DNAAF2: variants seen among roughly 807,000 people sequenced by gnomAD.
DNAAF2 encodes the protein protein kintoun.
A neutral mutation model predicts 48.8 loss-of-function variants in DNAAF2; 58 were observed. The ratio of observed to expected loss-of-function variants is 1.19; its 90% confidence interval spans 0.96 to 1.48. The LOEUF (loss-of-function observed/expected upper bound fraction) is 1.48. Ranked by LOEUF, DNAAF2 falls within the 40% of genes most tolerant of loss-of-function variation. The pLI, the probability that DNAAF2 is intolerant of heterozygous loss-of-function variation, is 0.00. For synonymous variants in DNAAF2, 567 were observed against 481.2 expected, an observed-to-expected ratio of 1.18 and a Z score of -2.33; for missense variants, 1,241 against 1,116.1, an observed-to-expected ratio of 1.11 and a Z score of -1.59.
chr14:49,630,669 C>CCACACACACACACACACACACA (rs71441237), intron 1 of DNAAF2, among the ~76,000 whole-genome samples: 2,034 of 132,414 alleles, frequency 0.015, 33 homozygotes, highest in Admixed American at 0.024. Flanking sequence ...AACTCTCTCT[C>CCACACACACACACACACACACA]CACACACACA....
In DNAAF2 at chr14:49,634,316, GGGGCTC is replaced by G. The variant is rs1566512784; in HGVS notation, c.828_833del (p.Ser277_Pro278del). ...TGGTGATCACCAGCTCATGGGGCAC[GGGGCTC>G]GGGGCTGAGTCCCTGGAGCAGCGGT... On this transcript the variant is annotated inframe_deletion, in exon 1 of 3. Coordinates refer to ENST00000298292, the MANE Select transcript of DNAAF2 (RefSeq NM_018139.3). 4 of 1,611,808 alleles carry G rather than the reference GGGGCTC, an allele frequency of 2.5e-6. No individual in the cohort carries two copies. In the Admixed American group the frequency reaches 6.7e-5, roughly 27 times the overall value.
At position 49,633,841 on chromosome 14, in the gene DNAAF2, C is replaced by T. The variant is rs1185151033; in HGVS notation, c.1309G>A (p.Glu437Lys). The part of the protein sequence containing the change: ...AGEERVPKPG[E>K]QDLSRHAGSP... ...CCCGCGTGCCTGCTCAAGTCCTGCT[C>T]CCCCGGCTTGGGGACACGCTCCTCT... is the stretch of plus-strand genomic sequence containing the variant. Residue 437 changes from glutamate (E) to lysine (K), a missense_variant, in exon 1 of 3, where the codon GAG becomes AAG. By Grantham distance (56) the Glu-to-Lys change is moderately conservative (BLOSUM62 1). Transcript: ENST00000298292. The T allele has an allele frequency of 4.5e-6, 7 of 1,566,792 alleles. No individual in the cohort carries two copies. The highest frequency in any genetic ancestry group is 1.8e-5 in the Admixed American group (1 of 55,088).
Position 49,634,893 on chromosome 14 carries a change from C to A in DNAAF2, c.257G>T (p.Arg86Leu). The A allele has an allele frequency of 6.5e-7, 1 of 1,550,056 alleles. No homozygotes were observed. The highest frequency in any genetic ancestry group is 8.7e-7 in the Non-Finnish European group (1 of 1,146,652). ...HVLRTSLDGA[R>L]RCFVNVCSNA... ...GCTGCAGACATTCACAAAGCAGCGC[C>A]GCGCCCCGTCCAGGCTGGTGCGCAG... The change falls in exon 1 of 3, where the codon CGG (arginine) becomes CTG (leucine). Residue 86 changes from arginine to leucine, a missense_variant. Physicochemically the swap from Arg to Leu is moderately radical, Grantham distance 102. Transcript: ENST00000298292.
chr14:49,634,375 G>T lies in DNAAF2; in HGVS notation c.775C>A (p.Gln259Lys). 1 of 1,603,646 alleles carries T rather than the reference G, an allele frequency of 6.2e-7. No individual in the cohort carries two copies. The change falls in exon 1 of 3, where the codon CAG becomes AAG. Residue 259 changes from glutamine (Q) to lysine (K), a missense_variant. By Grantham distance (53) the Gln-to-Lys change is moderately conservative (BLOSUM62 1). Transcript: ENST00000298292. ...APTEPRYSVV[Q>K]RHHVDLQDYR... ...TCCTGGAGGTCCACGTGGTGGCGCTGCACCACGCTGTAGCGAGGCTCGGTG... is the reference window on the plus strand; with the variant it reads ...TCCTGGAGGTCCACGTGGTGGCGCTTCACCACGCTGTAGCGAGGCTCGGTG...
At position 49,625,320 on chromosome 14, in the gene DNAAF2, C is replaced by T. The variant is rs909585414; in HGVS notation, c.*222G>A. ...ACATACACATCTATTACAGGAATCA[C>T]AAAACTTATCTCCATAAGGAAACTT... On this transcript the variant is annotated 3_prime_UTR_variant, in exon 3 of 3. Coordinates refer to ENST00000298292, the MANE Select transcript of DNAAF2 (RefSeq NM_018139.3). 4 of 309,444 alleles carry T rather than the reference C, an allele frequency of 1.3e-5. No homozygotes were observed. Among genetic ancestry groups the T allele is most frequent in the Non-Finnish European group, 2.3e-5 (4 of 172,468 alleles). The allele number at this position is 309,444 out of a possible 1,614,324, so 19.2% of individuals were successfully genotyped here.
chr14:49,629,600 C>T (rs964332570), intron 1 of DNAAF2: 3 of 151,818 alleles, frequency 2.0e-5, no homozygotes, highest in Admixed American at 1.3e-4. Context: ...ACTGCAATCA[C>T]GTGAACCCGT....
In DNAAF2 at chr14:49,635,076, G is replaced by A. The variant is rs868381739; in HGVS notation, c.74C>T (p.Ser25Phe). ...LSGEEVQRLT[S>F]AFQDPEFRRM... Reference sequence around the variant, plus strand: ...CCGGAACTCCGGGTCCTGGAAGGCGGAGGTGAGCCGCTGGACCTCCTCTCC... The same window carrying A: ...CCGGAACTCCGGGTCCTGGAAGGCGAAGGTGAGCCGCTGGACCTCCTCTCC... Residue 25 changes from serine (S) to phenylalanine (F), a missense_variant, in exon 1 of 3, where the codon TCC (serine) becomes TTC (phenylalanine). Physicochemically the swap from Ser to Phe is radical, Grantham distance 155. Transcript: ENST00000298292. 16 of 1,584,962 alleles carry A rather than the reference G, an allele frequency of 1.0e-5. No individual in the cohort carries two copies. Among genetic ancestry groups the A allele is most frequent in the Non-Finnish European group, 1.2e-5 (14 of 1,166,584 alleles).
Position 49,625,636 on chromosome 14 carries a change from G to A in DNAAF2, c.2420C>T (p.Thr807Ile), listed in dbSNP as rs1355465199. Reference sequence around the variant, plus strand: ...CTGCACACTACCATCCTGCATATTGGTTTCTTTTATGCTGTCGAATCCAGG... The same window carrying A: ...CTGCACACTACCATCCTGCATATTGATTTCTTTTATGCTGTCGAATCCAGG... ...NIPGFDSIKE[T>I]NMQDGSVQVI... Residue 807 changes from threonine (T) to isoleucine (I), a missense_variant, in exon 3 of 3, where the codon ACC becomes ATC. Physicochemically the swap from Thr to Ile is moderately conservative, Grantham distance 89. Transcript: ENST00000298292. 1.2e-6 allele frequency: 2 copies of A among 1,613,620 alleles called. No homozygotes were observed. Among genetic ancestry groups the A allele is most frequent in the East Asian group, 2.2e-5 (1 of 44,800 alleles).
chr14:49,626,262 C>T (rs1883004034), intron 2 of DNAAF2, among the ~76,000 whole-genome samples: 1 of 152,126 alleles, frequency 6.6e-6, no homozygotes, highest in Non-Finnish European at 1.5e-5. Context: ...CCAAGGCAGG[C>T]AGATCACTTG....
At position 49,633,539 on chromosome 14, in the gene DNAAF2, G is replaced by T; in HGVS notation, c.1611C>A (p.Leu537=). ...CNQDKETLTL[L]IQVPRIQPQS... ...GCGGCTGGATCCGAGGCACCTGAAT[G>T]AGCAGAGTCAAGGTTTCTTTGTCCT... is the stretch of plus-strand genomic sequence containing the variant. The change falls in exon 1 of 3, where the codon CTC becomes CTA. Residue 537 remains leucine (L), a synonymous_variant. Coordinates refer to ENST00000298292, the MANE Select transcript of DNAAF2 (RefSeq NM_018139.3). The T allele has an allele frequency of 6.2e-7, 1 of 1,614,050 alleles. No individual in the cohort carries two copies. Among genetic ancestry groups the T allele is most frequent in the Non-Finnish European group, 8.5e-7 (1 of 1,179,892 alleles).
chr14:49,633,708 G>A lies in DNAAF2; in HGVS notation c.1442C>T (p.Ala481Val), dbSNP rs372054376. Reference protein sequence around the residue: ...SSRSLAWGSSAGRESARGDSS... With the variant: ...SSRSLAWGSSVGRESARGDSS... Reference sequence around the variant, plus strand: ...ATCTCCGCGCGCACTCTCTCTTCCCGCAGAAGAACCCCACGCCAGGCTCCG... The same window carrying A: ...ATCTCCGCGCGCACTCTCTCTTCCCACAGAAGAACCCCACGCCAGGCTCCG... The change falls in exon 1 of 3, where the codon GCG becomes GTG. Residue 481 changes from alanine to valine, a missense_variant. Transcript: ENST00000298292. 9 of 1,600,118 alleles carry A rather than the reference G, an allele frequency of 5.6e-6. No individual in the cohort carries two copies. In the East Asian group the frequency reaches 2.0e-4, roughly 36 times the overall value.
chr14:49,630,857 TCTC>T (rs1269856201), intron 1 of DNAAF2, among the ~76,000 whole-genome samples: 1 of 151,706 alleles, frequency 6.6e-6, no homozygotes. Context: ...TTCAAGCAAT[TCTC>T]CTGCCTCAGC....
chr14:49,633,774 T>C lies in DNAAF2; in HGVS notation c.1376A>G (p.Glu459Gly). The change falls in exon 1 of 3, where the codon GAA becomes GGA. Residue 459 changes from glutamate (E) to glycine (G), a missense_variant. By Grantham distance (98) the Glu-to-Gly change is moderately conservative. Coordinates refer to ENST00000298292, the MANE Select transcript of DNAAF2 (RefSeq NM_018139.3). ...GSVEEPSPGG[E>G]NSPGGGGSPC... ...GGAGCCTCCGCCACCAGGTGAGTTT[T>C]CTCCTCCAGGAGATGGCTCCTCCAC... 6.3e-7 allele frequency: 1 copy of C among 1,592,572 alleles called. No individual in the cohort carries two copies. The highest frequency in any genetic ancestry group is 1.3e-5 in the African/African-American group (1 of 74,682).
chr14:49,633,765 G>C lies in DNAAF2; in HGVS notation c.1385C>G (p.Pro462Arg), dbSNP rs757527838. Residue 462 changes from proline to arginine, a missense_variant, in exon 1 of 3, where the codon CCT (proline) becomes CGT (arginine). Coordinates refer to ENST00000298292, the MANE Select transcript of DNAAF2 (RefSeq NM_018139.3). ...EEPSPGGENSPGGGGSPCLSS... is the reference protein window; with the variant it reads ...EEPSPGGENSRGGGGSPCLSS... ...CAAACAAGGGGAGCCTCCGCCACCA[G>C]GTGAGTTTTCTCCTCCAGGAGATGG... The C allele has an allele frequency of 1.1e-5, 18 of 1,591,916 alleles. No individual in the cohort carries two copies. The highest frequency in any genetic ancestry group is 1.5e-5 in the Non-Finnish European group (18 of 1,173,202).
chr14:49,627,015 G>A (rs1042501110), intron 2 of DNAAF2, among the ~76,000 whole-genome samples: 6 of 151,512 alleles, frequency 4.0e-5, no homozygotes, highest in Admixed American at 1.3e-4. Context: ...TGTTGGCCAG[G>A]CTAGTCTCGA....
At position 49,634,062 on chromosome 14, in the gene DNAAF2, G is replaced by GCGGCGA. The variant is rs962923283; in HGVS notation, c.1082_1087dup (p.Val361_Ala362dup). 6.1e-5 allele frequency: 93 copies of GCGGCGA among 1,524,762 alleles called. No homozygotes were observed. Among genetic ancestry groups the GCGGCGA allele is most frequent in the Admixed American group, 3.3e-4 (16 of 47,918 alleles). 94.5% of individuals were successfully genotyped at this position (1,524,762 alleles called of 1,614,324 possible). A position where few individuals can be genotyped will look rare whatever the true frequency, so the allele number is the denominator to read the frequency against. ...GTCCGCGGACTCTTCCGGCGCGGCG[G>GCGGCGA]CGGCGACGGCGACAGCGGGCTCCCG... On this transcript the variant is annotated inframe_insertion, in exon 1 of 3. Coordinates refer to ENST00000298292, the MANE Select transcript of DNAAF2 (RefSeq NM_018139.3).
chr14:49,633,298 CGTT>C lies in DNAAF2; in HGVS notation c.1849_1851del (p.Asn617del), dbSNP rs777419590. 1.2e-6 allele frequency: 2 copies of C among 1,613,118 alleles called. No individual in the cohort carries two copies. Among genetic ancestry groups the C allele is most frequent in the East Asian group, 2.2e-5 (1 of 44,868 alleles). ...GAAAGAACTGTTACCTCCAAAGAATCGTTGTTTACACCATAATACCACTCTCTC... is the reference window on the plus strand; with the variant it reads ...GAAAGAACTGTTACCTCCAAAGAATCGTTTACACCATAATACCACTCTCTC... On this transcript the variant is annotated inframe_deletion, in exon 1 of 3. Transcript: ENST00000298292.
rs370818914 is a variant in DNAAF2, at chr14:49,634,178, G to A, written c.972C>T (p.Tyr324=). The change falls in exon 1 of 3, where the codon TAC becomes TAT. Residue 324 remains tyrosine, a synonymous_variant. Coordinates refer to ENST00000298292, the MANE Select transcript of DNAAF2 (RefSeq NM_018139.3). ...PDYRLRLSLP[Y]PVDDGRGKAQ... The stretch of plus-strand genomic sequence containing the variant: ...CCTTGCCGCGGCCATCGTCCACTGG[G>A]TACGGGAGCGAGAGCCGCAGCCGGT... The A allele has an allele frequency of 5.9e-5, 95 of 1,608,800 alleles. No homozygotes were observed. The African/African-American group carries it at 9.3e-4, about 16-fold the overall frequency.
intron 2 of DNAAF2, 66 bp downstream of exon 2, chr14:49,627,946 C>A (rs1883052781): frequency 7.1e-7 from 1 of 1,399,724 alleles, no homozygotes. Context: ...ATTAAGAAAT[C>A]AATAATTTGT....
Sources: gnomAD v4.1 joint callset for allele counts (sites outside exome capture counted in the v4.1 genomes callset) on GRCh38, gnomAD v4.1.1 for gene constraint, MANE v1.5 for transcripts, NCBI Gene and HGNC (gene_info 2026-07-23, HGNC 2026-07-21) for gene names.